UHRF2: variants seen among roughly 807,000 people sequenced by gnomAD.
UHRF2 encodes the protein E3 ubiquitin-protein ligase UHRF2.
In UHRF2, 23 loss-of-function variants were observed where a neutral mutation model predicts 96.8. That is an observed-to-expected ratio of 0.24 (90% CI 0.17 to 0.34). UHRF2 has a LOEUF of 0.34. UHRF2 is among the 10% of genes least tolerant of loss of function. The pLI is 1.00. For missense variants in UHRF2, 685 were observed against 981.5 expected (o/e 0.70, Z 4.04); for synonymous variants, 385 against 332.6 (o/e 1.16, Z -1.72).
chr9:6,477,544 C>T, intron 5 of UHRF2, 78 bp from the exon 6 acceptor site: 2 of 1,373,790 alleles, frequency 1.5e-6, no homozygotes, highest in African/African-American at 2.9e-5. Flanking sequence ...ATGCTGTTTC[C>T]ATGGGCTTTT....
chr9:6,499,701 T>G (rs1189860654), intron 12 of UHRF2, 134 bp from the exon 13 acceptor site: 1 of 508,776 alleles, frequency 2.0e-6, no homozygotes, highest in African/African-American at 2.0e-5. Flanking sequence ...AATGTCTGTT[T>G]CTTTTATGTA....
At chr9:6,438,190 C>T (rs1036831251) in intron 3 of UHRF2, among the ~76,000 whole-genome samples, 24 of 152,208 alleles carry the variant, frequency 1.6e-4, no homozygotes, top group African/African-American at 5.3e-4. Context: ...AGGGAAGTTT[C>T]AGGATAACCT....
chr9:6,449,552 T>G (rs185575302), intron 3 of UHRF2: 2 of 152,360 alleles, frequency 1.3e-5, no homozygotes, highest in South Asian at 4.1e-4. Context: ...GGATTCTTTT[T>G]AGAGTTTGCA....
intron 3 of UHRF2, among the ~76,000 whole-genome samples, chr9:6,442,315 C>G (rs980869922): frequency 6.6e-6 from 1 of 152,196 alleles, no homozygotes; most frequent in African/African-American, 2.4e-5. Flanking sequence ...AAATAGATGT[C>G]AGATTCTTCC....
chr9:6,422,750 G>A, intron 2 of UHRF2: 1 of 462,248 alleles, frequency 2.2e-6, no homozygotes, highest in Non-Finnish European at 3.9e-6. Flanking sequence ...CTGGGATACA[G>A]GCGTGAGCCA....
Position 6,434,045 on chromosome 9 carries a change from A to C in UHRF2, c.516A>C (p.Lys172Asn). ...KTPLKNGSSC[K>N]RTNGNIKHKS... ...CACTGAAGAATGGCAGTTCTTGTAA[A>C]AGGACTAATGGAAATATAAAGCATA... is the stretch of plus-strand genomic sequence containing the variant. Residue 172 changes from lysine (K) to asparagine (N), a missense_variant, in exon 3 of 16, where the codon AAA becomes AAC. By Grantham distance (94) the Lys-to-Asn change is moderately conservative. Transcript: ENST00000276893. 1.2e-6 allele frequency: 2 copies of C among 1,614,164 alleles called. No individual in the cohort carries two copies. The highest frequency in any genetic ancestry group is 1.7e-6 in the Non-Finnish European group (2 of 1,180,024).
intron 4 of UHRF2, among the ~76,000 whole-genome samples, chr9:6,473,430 A>G (rs1334461017): frequency 6.6e-6 from 1 of 152,202 alleles, no homozygotes; most frequent in Non-Finnish European, 1.5e-5. Context: ...TCTCTGTAAA[A>G]TTGTGCCAAG....
chr9:6,505,677 C>G (rs894316119), intron 15 of UHRF2, among the ~76,000 whole-genome samples: 5 of 152,184 alleles, frequency 3.3e-5, no homozygotes, highest in African/African-American at 1.2e-4. Context: ...GCAAGGGAAT[C>G]CAGATTTTTT....
At chr9:6,466,863 C>G (rs1328212161) in intron 4 of UHRF2, among the ~76,000 whole-genome samples, 1 of 152,226 alleles carries the variant, frequency 6.6e-6, no homozygotes, top group Non-Finnish European at 1.5e-5. Flanking sequence ...TCTCTTATTT[C>G]AGTTCTCTGC....
At chr9:6,482,845 C>A (rs933553161) in intron 8 of UHRF2, among the ~76,000 whole-genome samples, 1 of 152,182 alleles carries the variant, frequency 6.6e-6, no homozygotes, top group African/African-American at 2.4e-5. Context: ...ATCCACCTGC[C>A]TTGGCCTCCC....
At chr9:6,480,500 T>C (rs1306104416) in intron 6 of UHRF2, among the ~76,000 whole-genome samples, 1 of 152,238 alleles carries the variant, frequency 6.6e-6, no homozygotes, top group Admixed American at 6.5e-5. Flanking sequence ...CTCTGGAATA[T>C]ATCTCTACAT....
intron 6 of UHRF2, among the ~76,000 whole-genome samples, chr9:6,481,381 C>G (rs1823918286): frequency 6.6e-6 from 1 of 152,112 alleles, no homozygotes; most frequent in Admixed American, 6.5e-5. Context: ...TTCATGGTAT[C>G]ATTTTGAATC....
At chr9:6,452,110 G>C (rs563448956) in intron 3 of UHRF2, among the ~76,000 whole-genome samples, 74 of 151,392 alleles carry the variant, frequency 4.9e-4, no homozygotes, top group African/African-American at 1.7e-3. Context: ...ATATATCCTG[G>C]AGATCACTTC....
intron 9 of UHRF2, among the ~76,000 whole-genome samples, chr9:6,488,792 G>T (rs997457206): frequency 6.6e-6 from 1 of 150,776 alleles, no homozygotes; most frequent in African/African-American, 2.4e-5. Flanking sequence ...ATGAGCTACC[G>T]TGCTGAGTGT....
At chr9:6,464,953 C>G (rs370244324) in intron 4 of UHRF2, among the ~76,000 whole-genome samples, 2 of 152,078 alleles carry the variant, frequency 1.3e-5, no homozygotes, top group South Asian at 2.1e-4. Flanking sequence ...AGTAGCTTTA[C>G]TAGATTTACT....
At chr9:6,455,110 A>G (rs1822100458) in intron 3 of UHRF2, among the ~76,000 whole-genome samples, 1 of 152,102 alleles carries the variant, frequency 6.6e-6, no homozygotes, top group South Asian at 2.1e-4. Flanking sequence ...CTACCTAGCA[A>G]TACATAGGAG....
At chr9:6,459,661 T>C (rs1241140338) in intron 3 of UHRF2, among the ~76,000 whole-genome samples, 1 of 152,032 alleles carries the variant, frequency 6.6e-6, no homozygotes, top group East Asian at 1.9e-4. Flanking sequence ...AGAGTAAGAC[T>C]CCATCTCACA....
chr9:6,488,938 G>T (rs763372123), intron 9 of UHRF2, among the ~76,000 whole-genome samples: 1 of 151,646 alleles, frequency 6.6e-6, no homozygotes, highest in African/African-American at 2.4e-5. Context: ...GCAGCTTTCC[G>T]AGTAGCTGGG....
chr9:6,477,064 C>G (rs1223045270), intron 5 of UHRF2, among the ~76,000 whole-genome samples: 1 of 152,068 alleles, frequency 6.6e-6, no homozygotes, highest in African/African-American at 2.4e-5. Context: ...GAAACCCTGT[C>G]TCTACTAAAA....
Sources: allele counts gnomAD v4.1 joint callset (sites outside exome capture counted in the v4.1 genomes callset), GRCh38; gene constraint gnomAD v4.1.1; transcripts MANE v1.5; gene names NCBI Gene and HGNC (gene_info 2026-07-23, HGNC 2026-07-21).